The following ATP8B4 variants were observed in gnomAD, a reference collection of about 807,000 sequenced individuals.
ATP8B4 encodes ATPase phospholipid transporting 8B4 (putative), also known as probable phospholipid-transporting ATPase IM.
In ATP8B4, 133 loss-of-function variants were observed where a neutral mutation model predicts 145.6. That is an observed-to-expected ratio of 0.91 (90% CI 0.79 to 1.05). The LOEUF is 1.05. Among genes scored for constraint, ATP8B4 ranks in the 50% least tolerant of loss-of-function variants. The pLI, the probability that ATP8B4 is intolerant of heterozygous loss-of-function variation, is 0.00. For missense variants in ATP8B4, 1,458 were observed against 1,425.2 expected, an observed-to-expected ratio of 1.02 and a Z score of -0.37; for synonymous variants, 507 against 492.9, an observed-to-expected ratio of 1.03 and a Z score of -0.38.
intron 5 of ATP8B4, among the ~76,000 whole-genome samples, chr15:50,043,970 A>G (rs1466685944): frequency 6.6e-6 from 1 of 152,002 alleles, no homozygotes; most frequent in Non-Finnish European, 1.5e-5. Flanking sequence ...AAAAAAAAAA[A>G]AAAAAAAGAA....
intron 1 of ATP8B4, among the ~76,000 whole-genome samples, chr15:50,130,821 T>C (rs2057341132): frequency 6.6e-6 from 1 of 152,100 alleles, no homozygotes; most frequent in Admixed American, 6.5e-5. Flanking sequence ...TGGATTGCAA[T>C]GTCTAAGCAA....
chr15:50,089,416 T>G (rs1012734091), intron 2 of ATP8B4, among the ~76,000 whole-genome samples: 1 of 152,056 alleles, frequency 6.6e-6, no homozygotes, highest in African/African-American at 2.4e-5. Flanking sequence ...TATAAGGAAC[T>G]TAAACAAATT....
intron 23 of ATP8B4, among the ~76,000 whole-genome samples, chr15:49,884,613 GAAAAAA>G (rs60012082): frequency 8.5e-6 from 1 of 117,660 alleles, no homozygotes; most frequent in East Asian, 2.5e-4. Flanking sequence ...CAAAAAAAAA[GAAAAAA>G]AAAAAAAAAA....
chr15:50,024,211 G>A lies in ATP8B4; in HGVS notation c.363-13294C>T, dbSNP rs112769498. On this transcript the variant is annotated intron_variant, in intron 6 of 27. Transcript: ENST00000284509. The stretch of plus-strand genomic sequence containing the variant: ...GTTAAGTCTGGATTTGTCCACCCTG[G>A]ACAGACGGAGAGAGTAAACAGATTC... Among the ~76,000 whole-genome samples the A allele has an allele frequency of 6.1e-3, 930 of 152,182 alleles. 2 individuals are homozygous for A. The highest frequency in any genetic ancestry group is 0.013 in the South Asian group (62 of 4,820).
intron 8 of ATP8B4, among the ~76,000 whole-genome samples, chr15:49,999,232 T>C (rs916735748): frequency 1.3e-5 from 2 of 151,916 alleles, no homozygotes; most frequent in African/African-American, 4.8e-5. Context: ...ATGTCCTTTG[T>C]AGGGACATGG....
intron 23 of ATP8B4, among the ~76,000 whole-genome samples, chr15:49,884,613 G>GA (rs60012082): frequency 0.65 from 76,705 of 118,046 alleles, 23,385 homozygotes; most frequent in South Asian, 0.76. Context: ...CAAAAAAAAA[G>GA]AAAAAAAAAA....
In ATP8B4 at chr15:50,173,855, G is replaced by T. The variant is rs1021644522; in HGVS notation, c.-43+8406C>A. On this transcript the variant is annotated intron_variant, in intron 1 of 3. Coordinates refer to the ATP8B4 transcript ENST00000558829. The stretch of plus-strand genomic sequence containing the variant: ...ACATAACCAAAAGAAGAAAACTATA[G>T]GCCGATATCCTGGATGAACATAGAT... Among the ~76,000 whole-genome samples the T allele has an allele frequency of 5.9e-5, 9 of 152,164 alleles. No homozygotes were observed. The South Asian group carries it at 1.9e-3, about 32-fold the overall frequency.
At chr15:50,018,656 G>A (rs1013428122) in intron 6 of ATP8B4, among the ~76,000 whole-genome samples, 24 of 152,174 alleles carry the variant, frequency 1.6e-4, no homozygotes, top group African/African-American at 5.8e-4. Flanking sequence ...CAGAAAGATT[G>A]TCTAATAAAG....
intron 9 of ATP8B4, among the ~76,000 whole-genome samples, chr15:49,989,279 A>G (rs1048979177): frequency 2.0e-5 from 3 of 152,200 alleles, no homozygotes; most frequent in Non-Finnish European, 4.4e-5. Flanking sequence ...TTCTTGACCA[A>G]TAATTTTCAT....
rs753265854 is a variant in ATP8B4 at position 49,918,822 on chromosome 15, A to G, written c.2035+17T>C. 3 of 1,554,892 alleles carry G rather than the reference A, an allele frequency of 1.9e-6. No homozygotes were observed. Among genetic ancestry groups the G allele is most frequent in the Admixed American group, 3.4e-5 (2 of 58,066 alleles). On this transcript the variant is annotated intron_variant, in intron 19 of 27. Transcript: ENST00000284509. ...TCCCCATTTTCAAAATATCATCAAC[A>G]TCCATTTTCAAGTTACCTTGTTTGT...
At chr15:50,131,622 G>A (rs1192105756) in intron 1 of ATP8B4, among the ~76,000 whole-genome samples, 1 of 151,924 alleles carries the variant, frequency 6.6e-6, no homozygotes, top group Non-Finnish European at 1.5e-5. Flanking sequence ...TAGGCAAAAA[G>A]GGGAGTAACA....
intron 14 of ATP8B4, among the ~76,000 whole-genome samples, chr15:49,960,806 A>G (rs1344457852): frequency 6.6e-6 from 1 of 152,224 alleles, no homozygotes; most frequent in Non-Finnish European, 1.5e-5. Flanking sequence ...TTTTTGTAAT[A>G]GACAACCCAA....
intron 23 of ATP8B4, among the ~76,000 whole-genome samples, chr15:49,882,297 C>T (rs966730399): frequency 5.3e-5 from 8 of 152,214 alleles, no homozygotes; most frequent in African/African-American, 1.4e-4. Context: ...CAGTATCCAA[C>T]TCCTATCTAC....
chr15:50,029,911 T>C (rs1449608136), intron 6 of ATP8B4, among the ~76,000 whole-genome samples: 1 of 152,120 alleles, frequency 6.6e-6, no homozygotes, highest in African/African-American at 2.4e-5. Flanking sequence ...ATGGAAGAAA[T>C]TAACCCATTG....
At chr15:50,151,740 CAAAAAAAAAAAA>C (rs58413585) in intron 1 of ATP8B4, among the ~76,000 whole-genome samples, 1 of 91,790 alleles carries the variant, frequency 1.1e-5, no homozygotes, top group East Asian at 3.6e-4. Flanking sequence ...GAACCTGTCT[CAAAAAAAAAAAA>C]AAAAAAAAAA....
chr15:50,162,204 T>A, intron 1 of ATP8B4, among the ~76,000 whole-genome samples: 1 of 152,008 alleles, frequency 6.6e-6, no homozygotes. Flanking sequence ...TTAGGATCCT[T>A]TCTTTATCCT....
intron 26 of ATP8B4, among the ~76,000 whole-genome samples, chr15:49,865,872 T>C (rs1429709928): frequency 6.6e-6 from 1 of 152,240 alleles, no homozygotes; most frequent in African/African-American, 2.4e-5. Flanking sequence ...ATGCCACTTA[T>C]GGATTAATGT....
rs1336793452 is a variant in ATP8B4 at position 50,180,960 on chromosome 15, G to A, written c.-43+1301C>T. Among the ~76,000 whole-genome samples the A allele has an allele frequency of 4.6e-5, 7 of 152,128 alleles. No individual in the cohort carries two copies. In the South Asian group the frequency reaches 1.2e-3, roughly 27 times the overall value. On this transcript the variant is annotated intron_variant, in intron 1 of 3. Coordinates refer to the ATP8B4 transcript ENST00000558829. ...ATGGACAGAAACCTAGAGAATAGGA[G>A]GACAGCATAGTATAGTTACTAAGAA...
At chr15:50,076,208 C>A (rs149582577) in intron 2 of ATP8B4, among the ~76,000 whole-genome samples, 1 of 152,130 alleles carries the variant, frequency 6.6e-6, no homozygotes, top group African/African-American at 2.4e-5. Flanking sequence ...CAGAAACCAT[C>A]CTGGGCTGGG....
Sources: gnomAD v4.1 joint callset for allele counts (sites outside exome capture counted in the v4.1 genomes callset) on GRCh38, gnomAD v4.1.1 for gene constraint, MANE v1.5 for transcripts, NCBI Gene and HGNC (gene_info 2026-07-23, HGNC 2026-07-21) for gene names.